Variants in NGLY1 observed in about 807,000 individuals in gnomAD.
NGLY1 encodes the protein N-glycanase 1.
NGLY1 carries 68 observed loss-of-function variants against 84.6 expected under a neutral mutation model. That is an observed-to-expected ratio of 0.80 (90% CI 0.66 to 0.98). The LOEUF is 0.98. Among genes scored for constraint, NGLY1 ranks in the 50% least tolerant of loss-of-function variants. The pLI, the probability that NGLY1 is intolerant of heterozygous loss-of-function variation, is 0.00. For synonymous variants in NGLY1, 280 were observed against 275.2 expected, an observed-to-expected ratio of 1.02 and a Z score of -0.17; for missense variants, 779 against 770.2, an observed-to-expected ratio of 1.01 and a Z score of -0.14.
intron 7 of NGLY1, 88 bp downstream of exon 7, chr3:25,735,916 G>C: frequency 8.8e-7 from 1 of 1,134,476 alleles, no homozygotes. Flanking sequence ...GCAGGTTATT[G>C]TATGTTAATT....
At chr3:25,761,487 A>T in intron 3 of NGLY1, among the ~76,000 whole-genome samples, 1 of 152,222 alleles carries the variant, frequency 6.6e-6, no homozygotes, top group Admixed American at 6.5e-5. Context: ...GTCATCAGGC[A>T]AATGCAAATT....
intron 1 of NGLY1, among the ~76,000 whole-genome samples, chr3:25,782,017 G>A (rs1031607887): frequency 4.6e-5 from 7 of 152,096 alleles, no homozygotes; most frequent in African/African-American, 1.7e-4. Context: ...GAGTAAAAAA[G>A]GTGAGTTGAG....
chr3:25,723,156 A>G lies in NGLY1; in HGVS notation c.1612-2965T>C, dbSNP rs558017260. ...GCTTACTCCAATAACTGCCTTAATT[A>G]TATTGTGTGGGTCTGGGTCAGAACT... On this transcript the variant is annotated intron_variant, in intron 10 of 11. Coordinates refer to ENST00000280700, the MANE Select transcript of NGLY1 (RefSeq NM_018297.4). Among the ~76,000 whole-genome samples the G allele has an allele frequency of 9.3e-4, 141 of 152,276 alleles. 1 individual carries two copies. Among genetic ancestry groups the G allele is most frequent in the African/African-American group, 3.1e-3 (127 of 41,570 alleles).
intron 5 of NGLY1, among the ~76,000 whole-genome samples, chr3:25,738,770 A>T (rs1311190351): frequency 1.3e-5 from 2 of 152,096 alleles, no homozygotes; most frequent in Non-Finnish European, 2.9e-5. Context: ...GAGAAGAGCT[A>T]GAGGTTAAAA....
At chr3:25,755,408 C>G (rs1331044863) in intron 3 of NGLY1, 2 of 1,436,608 alleles carry the variant, frequency 1.4e-6, no homozygotes, top group Non-Finnish European at 2.0e-6. Context: ...TATAGTGACC[C>G]CACAAACAGT....
At chr3:25,728,685 T>G (rs147019896) in intron 10 of NGLY1, among the ~76,000 whole-genome samples, 1 of 152,142 alleles carries the variant, frequency 6.6e-6, no homozygotes, top group Non-Finnish European at 1.5e-5. Context: ...GAATGCCTGT[T>G]AGATGTTTAG....
intron 4 of NGLY1, among the ~76,000 whole-genome samples, chr3:25,745,806 T>A (rs1706395210): frequency 6.6e-6 from 1 of 152,202 alleles, no homozygotes; most frequent in African/African-American, 2.4e-5. Flanking sequence ...CAGTCTGATG[T>A]CACTCAGAGT....
chr3:25,766,831 C>T (rs1306509192), intron 2 of NGLY1, among the ~76,000 whole-genome samples: 3 of 152,278 alleles, frequency 2.0e-5, no homozygotes, highest in East Asian at 1.9e-4. Context: ...AAGACAGATA[C>T]GCTGCTCATG....
At chr3:25,755,046 A>G in intron 3 of NGLY1, 2 of 1,212,054 alleles carry the variant, frequency 1.7e-6, no homozygotes, top group Non-Finnish European at 2.5e-6. Context: ...CAAATTTTGG[A>G]ATTTGCTTTC....
chr3:25,779,872 T>A (rs1174394316), intron 1 of NGLY1, among the ~76,000 whole-genome samples: 7 of 151,734 alleles, frequency 4.6e-5, no homozygotes, highest in Admixed American at 2.6e-4. Flanking sequence ...AAATGCTCTA[T>A]TTTTTTTGCT....
chr3:25,767,020 G>A (rs1416616713), intron 2 of NGLY1, among the ~76,000 whole-genome samples: 6 of 152,130 alleles, frequency 3.9e-5, no homozygotes, highest in Non-Finnish European at 5.9e-5. Context: ...GAGGCCAGGC[G>A]CAGTGGCTCA....
At chr3:25,759,686 T>C (rs901728984) in intron 3 of NGLY1, among the ~76,000 whole-genome samples, 3 of 152,192 alleles carry the variant, frequency 2.0e-5, no homozygotes, top group African/African-American at 4.8e-5. Context: ...CAGCAGTTAA[T>C]TGAGAGACTA....
intron 6 of NGLY1, chr3:25,736,568 T>C (rs183192165): frequency 1.3e-4 from 63 of 487,470 alleles, no homozygotes; most frequent in African/African-American, 1.1e-3. Context: ...TGCTTTATAT[T>C]TGATTTTAAG....
At chr3:25,754,199 C>G (rs1417796607) in intron 3 of NGLY1, among the ~76,000 whole-genome samples, 1 of 151,998 alleles carries the variant, frequency 6.6e-6, no homozygotes, top group Non-Finnish European at 1.5e-5. Context: ...GGGGATATAA[C>G]GGTTAAAAAT....
intron 4 of NGLY1, among the ~76,000 whole-genome samples, 171 bp downstream of exon 4, chr3:25,750,927 G>A (rs768748671): frequency 2.8e-4 from 43 of 152,100 alleles, no homozygotes; most frequent in African/African-American, 9.9e-4. Context: ...TTGACCCTCC[G>A]TATATGGGTT....
intron 6 of NGLY1, chr3:25,737,115 T>C (rs544304009): frequency 1.8e-5 from 7 of 396,994 alleles, no homozygotes; most frequent in Admixed American, 8.1e-5. Context: ...GGAATATTTA[T>C]AGTGCAAAGC....
chr3:25,786,238 G>A (rs571046465), upstream of NGLY1, among the ~76,000 whole-genome samples: 6 of 151,818 alleles, frequency 4.0e-5, no homozygotes, highest in East Asian at 3.9e-4. Context: ...CAGGAGAATC[G>A]CTTGAACCCA....
At chr3:25,769,218 G>A (rs533727793) in intron 2 of NGLY1, among the ~76,000 whole-genome samples, 4 of 152,112 alleles carry the variant, frequency 2.6e-5, no homozygotes, top group East Asian at 1.9e-4. Context: ...AGAATTAGCC[G>A]GGCATGATGG....
chr3:25,727,615 G>C (rs1343306826), intron 10 of NGLY1, among the ~76,000 whole-genome samples: 1 of 152,164 alleles, frequency 6.6e-6, no homozygotes, highest in Admixed American at 6.5e-5. Context: ...TAAGATGGCG[G>C]TTTATGCTTT....
Sources: gnomAD v4.1 joint callset for allele counts (sites outside exome capture counted in the v4.1 genomes callset) on GRCh38, gnomAD v4.1.1 for gene constraint, MANE v1.5 for transcripts, NCBI Gene and HGNC (gene_info 2026-07-23, HGNC 2026-07-21) for gene names.